The following SYNJ2 variants were observed in gnomAD, a reference collection of about 807,000 sequenced individuals.
The protein encoded by SYNJ2 is polyphosphatidylinositol phosphatase SYNJ2.
In SYNJ2, 116 loss-of-function variants were observed where a neutral mutation model predicts 141.3. That is an observed-to-expected ratio of 0.82 (90% CI 0.71 to 0.96). SYNJ2 has a LOEUF of 0.96. SYNJ2 is among the 40% of genes least tolerant of loss of function. The pLI is 0.00. For synonymous variants in SYNJ2, 745 were observed against 777.7 expected (o/e 0.96, Z 0.70); for missense variants, 1,873 against 1,934.8 (o/e 0.97, Z 0.60).
chr6:158,059,020 T>C (rs1781040123), intron 6 of SYNJ2, among the ~76,000 whole-genome samples: 1 of 152,246 alleles, frequency 6.6e-6, no homozygotes, highest in Admixed American at 6.5e-5. Flanking sequence ...ATATCCTTTG[T>C]CTGATTCCAA....
intron 1 of SYNJ2, among the ~76,000 whole-genome samples, chr6:157,990,692 C>G (rs1356695729): frequency 1.3e-5 from 2 of 152,218 alleles, no homozygotes; most frequent in Admixed American, 6.5e-5. Flanking sequence ...CACGGGCTCC[C>G]GTGCAGTTTC....
rs989847183 is a variant in SYNJ2 at position 158,098,190 on chromosome 6, G to T, written c.*1826G>T. 1 of 152,184 alleles carries T rather than the reference G, an allele frequency of 6.6e-6. No homozygotes were observed. The highest frequency in any genetic ancestry group is 1.5e-5 in the Non-Finnish European group (1 of 68,024). 9.4% of individuals were successfully genotyped at this position (152,184 alleles called of 1,614,324 possible). On this transcript the variant is annotated 3_prime_UTR_variant, in exon 27 of 27. Transcript: ENST00000355585. ...GAGATAAATTTGAAAACAGATAAAT[G>T]TAACAACCAGTCAAAGAAGCAGGGG...
At chr6:158,082,188 A>T (rs149392219) in intron 20 of SYNJ2, among the ~76,000 whole-genome samples, 37 of 152,256 alleles carry the variant, frequency 2.4e-4, no homozygotes, top group African/African-American at 8.2e-4. Flanking sequence ...CTCTAGTAAA[A>T]ATACAAAAAT....
chr6:158,047,718 A>C (rs1780316617), intron 5 of SYNJ2, among the ~76,000 whole-genome samples: 1 of 128,154 alleles, frequency 7.8e-6, no homozygotes, highest in Non-Finnish European at 1.6e-5. Context: ...CGGAGTTTGC[A>C]GTGAGCCAAG....
chr6:158,068,738 C>G lies in SYNJ2; in HGVS notation c.1799+10C>G, dbSNP rs1352033394. 2 of 1,613,802 alleles carry G rather than the reference C, an allele frequency of 1.2e-6. No individual in the cohort carries two copies. Among genetic ancestry groups the G allele is most frequent in the South Asian group, 2.2e-5 (2 of 91,072 alleles). On this transcript the variant is annotated intron_variant, in intron 13 of 26. Transcript: ENST00000355585. Reference sequence around the variant, plus strand: ...ATATTGTCAATGCCAGGTAAGGGGCCAGGTGTGCGGGGCCAGGCAGGGACT... The same window carrying G: ...ATATTGTCAATGCCAGGTAAGGGGCGAGGTGTGCGGGGCCAGGCAGGGACT...
chr6:158,062,238 G>T lies in SYNJ2; in HGVS notation c.1127+74G>T. ...CAGTCCACGGTGAGGCTCGCTGCGT[G>T]CTGTGCCTTCTGCTGGGTGAGGCGG... On this transcript the variant is annotated intron_variant, in intron 8 of 26. Coordinates refer to ENST00000355585, the MANE Select transcript of SYNJ2 (RefSeq NM_003898.4). 4 of 1,567,086 alleles carry T rather than the reference G, an allele frequency of 2.6e-6. No homozygotes were observed. The South Asian group carries it at 3.6e-5, about 14-fold the overall frequency.
At chr6:157,987,622 G>A (rs904542711) in intron 1 of SYNJ2, among the ~76,000 whole-genome samples, 13 of 152,066 alleles carry the variant, frequency 8.5e-5, no homozygotes, top group Non-Finnish European at 1.3e-4. Flanking sequence ...AGCTGGTCTC[G>A]AACTCCCGAC....
At chr6:158,016,467 G>C (rs1778461225) in intron 1 of SYNJ2, among the ~76,000 whole-genome samples, 1 of 152,078 alleles carries the variant, frequency 6.6e-6, no homozygotes, top group South Asian at 2.1e-4. Flanking sequence ...TTTTCATGTA[G>C]CATAATGTTT....
intron 17 of SYNJ2, among the ~76,000 whole-genome samples, chr6:158,076,987 T>A (rs372804668): frequency 1.3e-5 from 2 of 151,140 alleles, no homozygotes; most frequent in African/African-American, 2.4e-5. Flanking sequence ...CCTCTTTTTT[T>A]CCCTTTTCTT....
chr6:158,036,646 G>A (rs1232022110), intron 4 of SYNJ2, among the ~76,000 whole-genome samples: 1 of 152,178 alleles, frequency 6.6e-6, no homozygotes, highest in Admixed American at 6.5e-5. Context: ...GGAGGAGGGA[G>A]AGGATCAGGA....
intron 4 of SYNJ2, among the ~76,000 whole-genome samples, chr6:158,038,871 TGC>T (rs1779781415): frequency 6.6e-6 from 1 of 152,204 alleles, no homozygotes; most frequent in Non-Finnish European, 1.5e-5. Flanking sequence ...AAGCGTGTGC[TGC>T]GCGCAGCCCA....
Position 158,096,153 on chromosome 6 carries a change from A to G in SYNJ2, c.4280A>G (p.Asn1427Ser), listed in dbSNP as rs1783789043. Residue 1427 changes from asparagine (N) to serine (S), a missense_variant, in exon 27 of 27, where the codon AAC (asparagine) becomes AGC (serine). Asn to Ser is a conservative substitution (Grantham distance 46, BLOSUM62 1). Transcript: ENST00000355585. ...NLLHHPKLLNNTWLSKSSDPL... is the reference protein window; with the variant it reads ...NLLHHPKLLNSTWLSKSSDPL... ...CTTCACCACCCTAAACTGTTGAATA[A>G]CACTTGGCTTTCTAAGAGCTCAGAC... 4 of 1,614,214 alleles carry G rather than the reference A, an allele frequency of 2.5e-6. No homozygotes were observed. Among genetic ancestry groups the G allele is most frequent in the Non-Finnish European group, 2.5e-6 (3 of 1,180,034 alleles).
intron 1 of SYNJ2, among the ~76,000 whole-genome samples, chr6:158,010,550 G>C (rs1367083392): frequency 6.6e-6 from 1 of 152,190 alleles, no homozygotes; most frequent in Non-Finnish European, 1.5e-5. Context: ...GGGCAGTCAG[G>C]CTTTAAAAGG....
chr6:158,045,704 T>G (rs1780202820), intron 5 of SYNJ2, among the ~76,000 whole-genome samples: 1 of 152,096 alleles, frequency 6.6e-6, no homozygotes, highest in Admixed American at 6.5e-5. Context: ...CTCATCTCCC[T>G]CATCTAAAAA....
chr6:158,069,004 A>G (rs146883404), intron 13 of SYNJ2, among the ~76,000 whole-genome samples: 34 of 152,210 alleles, frequency 2.2e-4, no homozygotes, highest in Non-Finnish European at 4.0e-4. Context: ...AGGCTAATTT[A>G]TGCTGCCAGA....
chr6:158,005,970 G>C (rs570002945), intron 1 of SYNJ2, among the ~76,000 whole-genome samples: 1 of 152,270 alleles, frequency 6.6e-6, no homozygotes, highest in East Asian at 1.9e-4. Context: ...CCTGCTCCAG[G>C]GCATGGCTTT....
chr6:158,092,751 C>A (rs1380166225), intron 25 of SYNJ2, among the ~76,000 whole-genome samples, 175 bp from the exon 26 acceptor site: 1 of 151,868 alleles, frequency 6.6e-6, no homozygotes, highest in Non-Finnish European at 1.5e-5. Flanking sequence ...GGTGGCAGAG[C>A]GAGAGCCCAT....
chr6:158,054,824 C>T, intron 5 of SYNJ2, 143 bp from the exon 6 acceptor site: 1 of 744,924 alleles, frequency 1.3e-6, no homozygotes, highest in East Asian at 2.7e-5. Flanking sequence ...CTCAGCCTTC[C>T]TGAGCCCTGA....
intron 2 of SYNJ2, among the ~76,000 whole-genome samples, chr6:158,023,184 G>A (rs1184780392): frequency 6.6e-6 from 1 of 151,178 alleles, no homozygotes; most frequent in African/African-American, 2.4e-5. Context: ...CTGGAACCCA[G>A]AAAGGGGAAG....
Sources: gnomAD v4.1 joint callset for allele counts (sites outside exome capture counted in the v4.1 genomes callset) on GRCh38, gnomAD v4.1.1 for gene constraint, MANE v1.5 for transcripts, NCBI Gene and HGNC (gene_info 2026-07-23, HGNC 2026-07-21) for gene names.